Variants in GPN3 observed in about 807,000 individuals in gnomAD.
The protein encoded by GPN3 is ATP-binding domain 1 family member C.
Under a neutral mutation model 38.7 loss-of-function variants are expected in GPN3, and 31 were observed. The ratio of observed to expected loss-of-function variants is 0.80; its 90% CI spans 0.60 to 1.08. The LOEUF is 1.08. Ranked by LOEUF, GPN3 falls within the 50% of genes least tolerant of loss-of-function variation. The pLI, the probability that GPN3 is intolerant of heterozygous loss-of-function variation, is 0.00. For synonymous variants in GPN3, 116 were observed against 120.2 expected, an observed-to-expected ratio of 0.96 and a Z score of 0.23; for missense variants, 301 against 354.4, an observed-to-expected ratio of 0.85 and a Z score of 1.21.
chr12:110,464,591 CTT>C (rs890127843), intron 2 of GPN3, among the ~76,000 whole-genome samples: 13 of 134,316 alleles, frequency 9.7e-5, no homozygotes, highest in East Asian at 2.2e-4. Context: ...TGTCCATTTA[CTT>C]TTTTTTTTTT....
In GPN3 at chr12:110,461,240, C is replaced by A. The variant is rs900118394; in HGVS notation, c.158-1378G>T. ...AATAAGGAATGTCCCATACTGAATC[C>A]GTGTGCAGCTGTCCAGAAAACGTAA... On this transcript the variant is annotated intron_variant, in intron 2 of 7. Transcript: ENST00000228827. 6.9e-6 allele frequency: 9 copies of A among 1,298,788 alleles called. No homozygotes were observed. In the African/African-American group the frequency reaches 8.7e-5, roughly 13 times the overall value. The allele number at this position is 1,298,788 out of a possible 1,614,324, so 80.5% of individuals were successfully genotyped here.
At position 110,453,032 on chromosome 12, in the gene GPN3, CTT is replaced by C. The variant is rs1566300768; in HGVS notation, c.855_*1del. ...TTTAGATGGTTACTTTTAGTAAACT[CTT>C]CATTCATCCTGGCATTCTTGAAAAT... On this transcript the variant is annotated stop_lost and 3_prime_UTR_variant, in exon 8 of 8. Coordinates refer to ENST00000228827, the MANE Select transcript of GPN3 (RefSeq NM_016301.4). 1 of 1,302,128 alleles carries C rather than the reference CTT, an allele frequency of 7.7e-7. No individual in the cohort carries two copies. Among genetic ancestry groups the C allele is most frequent in the Non-Finnish European group, 1.1e-6 (1 of 895,014 alleles). 80.7% of individuals were successfully genotyped at this position (1,302,128 alleles called of 1,614,324 possible).
intron 2 of GPN3, among the ~76,000 whole-genome samples, chr12:110,464,096 A>G (rs2062610859): frequency 6.6e-6 from 1 of 151,896 alleles, no homozygotes; most frequent in Non-Finnish European, 1.5e-5. Context: ...CAGCCTCCCA[A>G]GTAGCTGGGA....
chr12:110,455,834 C>CT lies in GPN3; in HGVS notation c.546dup (p.Ala183SerfsTer6), dbSNP rs1327629696. ...ACTCACTTCTCAATTTCCTTTTTTGCTTTTTTACTCAGCAGATCCATTTTT... is the reference window on the plus strand; with the variant it reads ...ACTCACTTCTCAATTTCCTTTTTTGCTTTTTTTACTCAGCAGATCCATTTTT... On this transcript the variant is annotated frameshift_variant, in exon 5 of 8. Coordinates refer to ENST00000228827, the MANE Select transcript of GPN3 (RefSeq NM_016301.4). LOFTEE classifies it high-confidence loss of function. 1.3e-6 allele frequency: 2 copies of CT among 1,587,556 alleles called. No individual in the cohort carries two copies. The highest frequency in any genetic ancestry group is 1.7e-6 in the Non-Finnish European group (2 of 1,156,196).
intron 2 of GPN3, among the ~76,000 whole-genome samples, chr12:110,461,831 G>T (rs570559293): frequency 1.4e-4 from 21 of 152,184 alleles, no homozygotes; most frequent in Non-Finnish European, 2.4e-4. Flanking sequence ...GATCCAAATT[G>T]GGACAATCAA....
intron 4 of GPN3, 111 bp from the exon 5 acceptor site, chr12:110,456,041 A>C: frequency 1.6e-6 from 1 of 642,300 alleles, no homozygotes; most frequent in Non-Finnish European, 2.8e-6. Flanking sequence ...TAAATAAAAG[A>C]AATGCAAGCT....
At chr12:110,462,968 A>G (rs143560732) in intron 2 of GPN3, among the ~76,000 whole-genome samples, 22,304 of 151,924 alleles carry the variant, frequency 0.15, 2,283 homozygotes, top group African/African-American at 0.29. Context: ...GTGTTAGCCA[A>G]GATGGTCTTG....
chr12:110,455,956 G>A (rs1314458183), intron 4 of GPN3, 26 bp from the exon 5 acceptor site: 1 of 1,204,416 alleles, frequency 8.3e-7, no homozygotes, highest in Admixed American at 1.7e-5. Context: ...GAAAAGGGAA[G>A]ATGAACTGAC....
At chr12:110,467,395 C>T (rs1449490918) in intron 1 of GPN3, among the ~76,000 whole-genome samples, 5 of 152,032 alleles carry the variant, frequency 3.3e-5, no homozygotes, top group Admixed American at 2.6e-4. Flanking sequence ...AAATTTTATC[C>T]CTACTGTAAA....
Position 110,459,686 on chromosome 12 carries a change from T to C in GPN3, c.325+9A>G. On this transcript the variant is annotated intron_variant, in intron 3 of 7. Coordinates refer to ENST00000228827, the MANE Select transcript of GPN3 (RefSeq NM_016301.4). ...TAAGGAAGACAATGCATTCAAATTG[T>C]TGATTCACCTGGACAATCAAAAAGG... The C allele has an allele frequency of 1.9e-6, 3 of 1,589,404 alleles. No individual in the cohort carries two copies. Among genetic ancestry groups the C allele is most frequent in the Non-Finnish European group, 2.6e-6 (3 of 1,157,816 alleles).
intron 7 of GPN3, 47 bp from the exon 8 acceptor site, chr12:110,453,143 A>C (rs2062525068): frequency 2.3e-6 from 2 of 871,772 alleles, no homozygotes; most frequent in African/African-American, 1.7e-5. Context: ...ATTTCCCCTC[A>C]GTCAGAACTA....
At position 110,468,174 on chromosome 12, in the gene GPN3, G is replaced by A. The variant is rs756770420; in HGVS notation, c.30C>T (p.Gly10=). Residue 10 remains glycine, a synonymous_variant, in exon 1 of 8, where the codon GGC becomes GGT. Coordinates refer to ENST00000228827, the MANE Select transcript of GPN3 (RefSeq NM_016301.4). MPRYAQLVM[G]PAGSGKSTYC... ...TCCTCACCTTCCCGCTGCCCGCGGG[G>A]CCCATGACCAGCTGCGCATACCGAG... 1 of 1,611,788 alleles carries A rather than the reference G, an allele frequency of 6.2e-7. No individual in the cohort carries two copies. The highest frequency in any genetic ancestry group is 1.7e-5 in the Admixed American group (1 of 59,996).
rs2062565611 is a variant in GPN3, at chr12:110,458,547, G to T, written c.326-913C>A. On this transcript the variant is annotated intron_variant, in intron 3 of 7. Coordinates refer to ENST00000228827, the MANE Select transcript of GPN3 (RefSeq NM_016301.4). This position sits in a 1 kb window ranked among gnomAD's most constrained non-coding sequence, Gnocchi z 4.4. ...CAGTAATCCCAGCATTTGGGAGGCC[G>T]AGGCAGGTGAATCACCTAAGGTCCA... 6.6e-6 allele frequency among the ~76,000 whole-genome samples: 1 copy of T among 152,114 alleles called. No homozygotes were observed. Among genetic ancestry groups the T allele is most frequent in the East Asian group, 1.9e-4 (1 of 5,202 alleles).
chr12:110,467,889 T>C (rs1014896337), intron 1 of GPN3, among the ~76,000 whole-genome samples: 2 of 152,126 alleles, frequency 1.3e-5, no homozygotes, highest in African/African-American at 2.4e-5. Flanking sequence ...ATGAGAAAAA[T>C]GAGATCTCTC....
chr12:110,468,552 A>G, upstream of GPN3: 4 of 1,537,226 alleles, frequency 2.6e-6, no homozygotes, highest in Admixed American at 5.9e-5. Context: ...CAGACGTTTG[A>G]CCTGTATGGT....
In GPN3 at chr12:110,468,213, C is replaced by T. The variant is rs753211281; in HGVS notation, c.-10G>A. Reference sequence around the variant, plus strand: ...GCGCATACCGAGGCATGTTGGCTCCCGGAGCCGCCCGCCACACTCCCTTAG... The same window carrying T: ...GCGCATACCGAGGCATGTTGGCTCCTGGAGCCGCCCGCCACACTCCCTTAG... On this transcript the variant is annotated 5_prime_UTR_variant, in exon 1 of 8. Transcript: ENST00000228827. The T allele has an allele frequency of 4.4e-5, 70 of 1,586,304 alleles. No individual in the cohort carries two copies. The highest frequency in any genetic ancestry group is 5.7e-5 in the Non-Finnish European group (67 of 1,171,462).
intron 7 of GPN3, 102 bp from the exon 8 acceptor site, chr12:110,453,198 A>G: frequency 1.7e-6 from 1 of 605,998 alleles, no homozygotes; most frequent in Non-Finnish European, 2.9e-6. Context: ...TGTGGAACTA[A>G]TTACCCAGCA....
chr12:110,467,870 T>G (rs1215515169), intron 1 of GPN3, among the ~76,000 whole-genome samples: 1 of 152,198 alleles, frequency 6.6e-6, no homozygotes, highest in African/African-American at 2.4e-5. Flanking sequence ...GTATCTCGTT[T>G]TCTGTAAAAT....
At chr12:110,468,460 A>G (rs1259608734), upstream of GPN3, 5 of 1,536,852 alleles carry the variant, frequency 3.3e-6, no homozygotes, top group African/African-American at 2.7e-5. Flanking sequence ...GATGCTGTCT[A>G]AGCTTGGATA....
Sources: gnomAD v4.1 joint callset for allele counts (sites outside exome capture counted in the v4.1 genomes callset) on GRCh38, gnomAD v4.1.1 for gene constraint, Gnocchi (gnomAD v3.1) non-coding constraint, MANE v1.5 for transcripts, NCBI Gene and HGNC (gene_info 2026-07-23, HGNC 2026-07-21) for gene names.